Variants in KAZN observed in about 807,000 individuals in gnomAD.
KAZN encodes kazrin.
KAZN carries 40 observed loss-of-function variants against 87.4 expected under a neutral mutation model. The ratio of observed to expected loss-of-function variants is 0.46; its 90% CI spans 0.36 to 0.60. The LOEUF (loss-of-function observed/expected upper bound fraction) is 0.60. Ranked by LOEUF, KAZN falls within the 20% of genes least tolerant of loss-of-function variation. The pLI is 0.00. For missense variants in KAZN, 898 were observed against 1,073.9 expected, an observed-to-expected ratio of 0.84 and a Z score of 2.29; for synonymous variants, 466 against 458.3, an observed-to-expected ratio of 1.02 and a Z score of -0.22.
At chr1:13,930,418 G>A (rs1162927844) in intron 1 of KAZN, among the ~76,000 whole-genome samples, 2 of 152,176 alleles carry the variant, frequency 1.3e-5, no homozygotes, top group Admixed American at 1.3e-4. Flanking sequence ...TAAGCCATTG[G>A]TTTTGGCTAT....
chr1:14,653,107 G>A (rs1212312336), intron 1 of KAZN, among the ~76,000 whole-genome samples: 1 of 152,186 alleles, frequency 6.6e-6, no homozygotes. Flanking sequence ...TGCTGCTGTT[G>A]AGGTCATAGG....
At chr1:13,987,216 A>G (rs1252097663) in intron 1 of KAZN, among the ~76,000 whole-genome samples, 1 of 152,032 alleles carries the variant, frequency 6.6e-6, no homozygotes, top group Non-Finnish European at 1.5e-5. Context: ...GGTTTGTTAC[A>G]TAGGTATACA....
intron 2 of KAZN, among the ~76,000 whole-genome samples, chr1:14,970,583 C>A (rs900989341): frequency 5.3e-4 from 81 of 152,352 alleles, no homozygotes; most frequent in Admixed American, 1.4e-3. Context: ...CCTTGACCCT[C>A]TGTGAGTTGC....
chr1:14,536,606 G>A (rs543585035), intron 2 of KAZN, among the ~76,000 whole-genome samples: 37 of 152,156 alleles, frequency 2.4e-4, no homozygotes, highest in African/African-American at 8.0e-4. Context: ...AGTCGGCTGC[G>A]TGTGGTGGCT....
chr1:14,775,963 G>A (rs543018249), intron 1 of KAZN, among the ~76,000 whole-genome samples: 67 of 152,314 alleles, frequency 4.4e-4, no homozygotes, highest in Non-Finnish European at 2.6e-4. Context: ...GGTCCTGCGT[G>A]ATCACTGCGA....
chr1:14,001,551 T>C (rs1639792228), intron 1 of KAZN, among the ~76,000 whole-genome samples: 1 of 151,996 alleles, frequency 6.6e-6, no homozygotes, highest in African/African-American at 2.4e-5. Context: ...GCCAAGACAA[T>C]CCTAGGCAAA....
In KAZN at chr1:15,096,973, C is replaced by T. The variant is rs1338731817; in HGVS notation, c.1547+2040C>T. On this transcript the variant is annotated intron_variant, in intron 10 of 14. Transcript: ENST00000376030. The surrounding 1 kb of genome is among the most constrained non-coding windows in gnomAD (Gnocchi z 4.5). The stretch of plus-strand genomic sequence containing the variant: ...ACCAGGAGTCTGTGGTCCCAGGGAT[C>T]GTGGAGCCCCACCCTTAGACACCCC... Among the ~76,000 whole-genome samples the T allele has an allele frequency of 6.6e-6, 1 of 152,186 alleles. No individual in the cohort carries two copies. The highest frequency in any genetic ancestry group is 1.5e-5 in the Non-Finnish European group (1 of 68,028).
intron 1 of KAZN, among the ~76,000 whole-genome samples, chr1:14,808,199 A>T (rs1053884545): frequency 6.6e-6 from 1 of 151,848 alleles, no homozygotes; most frequent in Non-Finnish European, 1.5e-5. Context: ...TATGTTCTAG[A>T]CCATGTGACT....
At chr1:14,408,895 G>A (rs1474916721) in intron 2 of KAZN, among the ~76,000 whole-genome samples, 1 of 152,066 alleles carries the variant, frequency 6.6e-6, no homozygotes, top group African/African-American at 2.4e-5. Flanking sequence ...AGAGGATGGG[G>A]TAGAGAATAA....
intron 1 of KAZN, among the ~76,000 whole-genome samples, chr1:14,020,748 C>A (rs1640787114): frequency 6.6e-6 from 1 of 152,180 alleles, no homozygotes; most frequent in Admixed American, 6.5e-5. Context: ...TGAGTTCCAG[C>A]AAAGTTTTCC....
intron 2 of KAZN, among the ~76,000 whole-genome samples, chr1:15,010,163 A>ATGT (rs1356860009): frequency 1.3e-5 from 2 of 152,226 alleles, no homozygotes; most frequent in South Asian, 4.2e-4. Context: ...TGAAGGAAAC[A>ATGT]TGTTGTTTGT....
intron 1 of KAZN, among the ~76,000 whole-genome samples, chr1:14,804,927 A>G (rs1646157867): frequency 1.3e-5 from 2 of 152,176 alleles, no homozygotes; most frequent in Admixed American, 1.3e-4. Context: ...CCAGCTTGGC[A>G]TGCCCGTGGT....
rs527873522 is a variant in KAZN at position 13,983,107 on chromosome 1, G to A, written c.91+89351G>A. Among the ~76,000 whole-genome samples, 335 of 152,390 alleles carry A rather than the reference G, an allele frequency of 2.2e-3. 2 individuals carry two copies. The highest frequency in any genetic ancestry group is 7.8e-3 in the African/African-American group (326 of 41,602). On this transcript the variant is annotated intron_variant, in intron 1 of 16. Coordinates refer to the KAZN transcript ENST00000636203. ...AGGAGCCCAGCTGGCTTCACCCAGT[G>A]GATCTCGCACGGGGGCTGCAGGTGG...
At chr1:14,341,783 C>A (rs1657747132) in intron 2 of KAZN, among the ~76,000 whole-genome samples, 1 of 152,184 alleles carries the variant, frequency 6.6e-6, no homozygotes, top group Non-Finnish European at 1.5e-5. Flanking sequence ...TACTTCCTGG[C>A]AAGCTGTTTT....
chr1:14,768,417 C>T (rs77817642), intron 1 of KAZN, among the ~76,000 whole-genome samples: 3,991 of 152,190 alleles, frequency 0.026, 188 homozygotes, highest in African/African-American at 0.092. Context: ...CGTGTGGAAA[C>T]GGAGGCTTGG....
chr1:13,920,210 A>G (rs1640011271), intron 1 of KAZN, among the ~76,000 whole-genome samples: 2 of 144,542 alleles, frequency 1.4e-5, no homozygotes, highest in South Asian at 4.4e-4. Context: ...AGATTGTGCC[A>G]CTGCACTCCA....
At chr1:14,282,266 G>C (rs1362674678) in intron 2 of KAZN, among the ~76,000 whole-genome samples, 1 of 152,154 alleles carries the variant, frequency 6.6e-6, no homozygotes, top group Non-Finnish European at 1.5e-5. Flanking sequence ...ATCCATGCTT[G>C]CTTGGAACAG....
intron 2 of KAZN, among the ~76,000 whole-genome samples, chr1:14,268,643 C>T (rs545824281): frequency 4.6e-5 from 7 of 152,250 alleles, no homozygotes; most frequent in African/African-American, 1.4e-4. Flanking sequence ...TGGCTTTCAA[C>T]TTGAAGTTTA....
intron 1 of KAZN, among the ~76,000 whole-genome samples, chr1:14,636,220 A>G (rs1174572125): frequency 6.6e-6 from 1 of 152,236 alleles, no homozygotes; most frequent in Non-Finnish European, 1.5e-5. Flanking sequence ...TCTTGGCTTC[A>G]GTTTCCTCAT....
Sources: allele counts gnomAD v4.1 joint callset (sites outside exome capture counted in the v4.1 genomes callset), GRCh38; gene constraint gnomAD v4.1.1; non-coding constraint Gnocchi (gnomAD v3.1); transcripts MANE v1.5; gene names NCBI Gene and HGNC (gene_info 2026-07-23, HGNC 2026-07-21).